TET3: variants seen among roughly 807,000 people sequenced by gnomAD.
The protein encoded by TET3 is methylcytosine dioxygenase TET3.
A neutral mutation model predicts 141.4 loss-of-function variants in TET3; 19 were observed. The observed-to-expected ratio is 0.13, with a 90% confidence interval of 0.09 to 0.20. The LOEUF is 0.20. TET3 is among the 10% of genes least tolerant of loss of function. The pLI is 1.00. For missense variants in TET3, 1,874 were observed against 2,356.9 expected (o/e 0.80, Z 4.24); for synonymous variants, 1,043 against 980.9 (o/e 1.06, Z -1.18).
chr2:74,007,360 C>T (rs1685202304), intron 3 of TET3, among the ~76,000 whole-genome samples: 1 of 152,190 alleles, frequency 6.6e-6, no homozygotes, highest in Non-Finnish European at 1.5e-5. Flanking sequence ...TCAATTAAGT[C>T]ATTGTTTCCC....
intron 4 of TET3, among the ~76,000 whole-genome samples, chr2:74,054,127 G>A (rs562514931): frequency 3.0e-4 from 45 of 152,250 alleles, no homozygotes; most frequent in African/African-American, 1.1e-3. Context: ...CAGGTCATGC[G>A]GGTGTGACGG....
intron 2 of TET3, among the ~76,000 whole-genome samples, chr2:73,996,353 A>G (rs1684596087): frequency 6.6e-6 from 1 of 152,014 alleles, no homozygotes; most frequent in African/African-American, 2.4e-5. Flanking sequence ...CTGGCTGGCT[A>G]TTTCTGGGAG....
At chr2:74,052,847 G>A (rs1260352951) in intron 4 of TET3, among the ~76,000 whole-genome samples, 2 of 152,140 alleles carry the variant, frequency 1.3e-5, no homozygotes, top group Non-Finnish European at 2.9e-5. Flanking sequence ...TCCAGCCTGG[G>A]CGAAAGAGCA....
At chr2:74,132,733 C>T in the TET3 span, among the ~76,000 whole-genome samples, 1 of 152,102 alleles carries the variant, frequency 6.6e-6, no homozygotes, top group Non-Finnish European at 1.5e-5. Context: ...GCATTCAAGT[C>T]ACCACTGTAT....
rs938246504 is a variant in TET3 at position 74,047,114 on chromosome 2, T to C, written c.1197T>C (p.Ser399=). The change falls in exon 4 of 12, where the codon TCT becomes TCC. Residue 399 remains serine (S), a synonymous_variant. Coordinates refer to ENST00000409262, the MANE Select transcript of TET3 (RefSeq NM_001287491.2). ...SPPAPFRSPQ[S]YLRAPSWPVV... ...CTGCCCCTTTCAGATCTCCCCAGTCTTACCTCCGGGCTCCCTCATGGCCTG... is the reference window on the plus strand; with the variant it reads ...CTGCCCCTTTCAGATCTCCCCAGTCCTACCTCCGGGCTCCCTCATGGCCTG... 1 of 1,613,928 alleles carries C rather than the reference T, an allele frequency of 6.2e-7. No homozygotes were observed. The highest frequency in any genetic ancestry group is 8.5e-7 in the Non-Finnish European group (1 of 1,179,864).
intron 3 of TET3, among the ~76,000 whole-genome samples, chr2:74,033,037 A>G (rs980843200): frequency 1.3e-5 from 2 of 152,198 alleles, no homozygotes; most frequent in Non-Finnish European, 2.9e-5. Flanking sequence ...CTGTGTTATA[A>G]CTGCGTACAG....
downstream of TET3, among the ~76,000 whole-genome samples, chr2:74,108,536 C>A (rs957110538): frequency 5.3e-5 from 8 of 152,116 alleles, no homozygotes; most frequent in Non-Finnish European, 1.2e-4. Flanking sequence ...GCTAAAGGAT[C>A]ACCAAATGCT....
In TET3 at chr2:74,061,787, G is replaced by C. The variant is rs1369806840; in HGVS notation, c.2495-11762G>C. Among the ~76,000 whole-genome samples, 3 of 141,244 alleles carry C rather than the reference G, an allele frequency of 2.1e-5. No homozygotes were observed. The East Asian group carries it at 6.0e-4, about 28-fold the overall frequency. 92.7% of individuals were successfully genotyped at this position (141,244 alleles called of 152,430 possible). On this transcript the variant is annotated intron_variant, in intron 4 of 11. Transcript: ENST00000409262. The stretch of plus-strand genomic sequence containing the variant: ...CTCCTCACCTCCCAGACGGGGTCGC[G>C]GCCGGGTAGAGGCGCTCCTCACATC...
intron 3 of TET3, among the ~76,000 whole-genome samples, chr2:74,008,339 G>A (rs923269408): frequency 3.9e-5 from 6 of 152,166 alleles, no homozygotes; most frequent in Non-Finnish European, 7.4e-5. Context: ...TCTGATGGAG[G>A]CCCGTCAGAG....
At chr2:74,125,279 G>A in the TET3 span, among the ~76,000 whole-genome samples, 5 of 151,204 alleles carry the variant, frequency 3.3e-5, no homozygotes, top group African/African-American at 1.2e-4. Flanking sequence ...ACTGCACCTG[G>A]CCTCACTTGG....
intron 3 of TET3, among the ~76,000 whole-genome samples, chr2:74,022,480 GTT>G (rs5832119): frequency 6.9e-6 from 1 of 144,906 alleles, no homozygotes; most frequent in Admixed American, 6.8e-5. Flanking sequence ...CGGCTGGAGG[GTT>G]TTTTTTTGTT....
At chr2:74,134,835 C>A in the TET3 span, 3 of 448,794 alleles carry the variant, frequency 6.7e-6, no homozygotes, top group African/African-American at 2.0e-5. Context: ...GCTGCCACTA[C>A]CACCATCCAG....
chr2:73,993,987 G>A (rs1230046706), intron 2 of TET3, among the ~76,000 whole-genome samples: 1 of 152,156 alleles, frequency 6.6e-6, no homozygotes, highest in African/African-American at 2.4e-5. Flanking sequence ...ATCTGTGGGT[G>A]TGGTGGGTAG....
the TET3 span, among the ~76,000 whole-genome samples, chr2:74,120,286 C>T: frequency 6.6e-6 from 1 of 152,338 alleles, no homozygotes; most frequent in Non-Finnish European, 1.5e-5. Context: ...CTCTGGCCGA[C>T]GGCCTCCACG....
rs375597537 is a variant in TET3, at chr2:74,101,002, C to T, written c.4214C>T (p.Thr1405Ile). ...SIKQEPVDPL[T>I]QAEPVPRDAG... ...AAGCAAGAGCCAGTAGACCCGCTGA[C>T]CCAGGCTGAGCCTGTGCCCAGAGAC... is the stretch of plus-strand genomic sequence containing the variant. The change falls in exon 12 of 12, where the codon ACC becomes ATC. Residue 1405 changes from threonine (T) to isoleucine (I), a missense_variant. Thr to Ile is a moderately conservative substitution (Grantham distance 89, BLOSUM62 -1). Coordinates refer to ENST00000409262, the MANE Select transcript of TET3 (RefSeq NM_001287491.2). This position sits in a 1 kb window ranked among gnomAD's most constrained non-coding sequence, Gnocchi z 8.5. 2 of 1,613,042 alleles carry T rather than the reference C, an allele frequency of 1.2e-6. No homozygotes were observed. Among genetic ancestry groups the T allele is most frequent in the Non-Finnish European group, 1.7e-6 (2 of 1,179,562 alleles).
the TET3 span, chr2:74,121,457 A>G: frequency 2.0e-5 from 3 of 152,252 alleles, no homozygotes; most frequent in Non-Finnish European, 4.4e-5. Context: ...AGCTGGTAAT[A>G]AAAACTTTCA....
At chr2:74,037,339 T>C (rs1029958295) in intron 3 of TET3, among the ~76,000 whole-genome samples, 2 of 152,210 alleles carry the variant, frequency 1.3e-5, no homozygotes, top group African/African-American at 4.8e-5. Flanking sequence ...CATTTGCTAT[T>C]AGAGAGAGTG....
Position 74,093,168 on chromosome 2 carries a change from C to T in TET3, c.3129+177C>T, listed in dbSNP as rs1198475167. The stretch of plus-strand genomic sequence containing the variant: ...AAAACCCCTTTTTTACACCAGGCTA[C>T]CTGCATCCCACACCGTCCCTCTTCT... On this transcript the variant is annotated intron_variant, in intron 9 of 11. Transcript: ENST00000409262. The surrounding 1 kb of genome is among the most constrained non-coding windows in gnomAD (Gnocchi z 4.2). Among the ~76,000 whole-genome samples, 1 of 152,174 alleles carries T rather than the reference C, an allele frequency of 6.6e-6. No individual in the cohort carries two copies. Among genetic ancestry groups the T allele is most frequent in the Non-Finnish European group, 1.5e-5 (1 of 68,036 alleles).
chr2:74,115,032 C>T, the TET3 span, among the ~76,000 whole-genome samples: 1 of 151,878 alleles, frequency 6.6e-6, no homozygotes, highest in African/African-American at 2.4e-5. Flanking sequence ...TGCTTCAGGA[C>T]ATTGGTCTAG....
Sources: allele counts gnomAD v4.1 joint callset (sites outside exome capture counted in the v4.1 genomes callset), GRCh38; gene constraint gnomAD v4.1.1; non-coding constraint Gnocchi (gnomAD v3.1); transcripts MANE v1.5; gene names NCBI Gene and HGNC (gene_info 2026-07-23, HGNC 2026-07-21).